The following EZH2 variants were observed in gnomAD, a reference collection of about 807,000 sequenced individuals.
EZH2 encodes histone-lysine N-methyltransferase EZH2.
A neutral mutation model predicts 98.4 loss-of-function variants in EZH2; 18 were observed. That is an observed-to-expected ratio of 0.18 (90% confidence interval 0.13 to 0.27). The LOEUF is 0.27. EZH2 is among the 10% of genes least tolerant of loss of function. EZH2 has a pLI of 1.00. For missense variants in EZH2, 470 were observed against 935.1 expected (o/e 0.50, Z 6.49); for synonymous variants, 338 against 312.3 (o/e 1.08, Z -0.87).
intron 1 of EZH2, among the ~76,000 whole-genome samples, chr7:148,868,749 T>C (rs1818903181): frequency 6.6e-6 from 1 of 152,208 alleles, no homozygotes; most frequent in South Asian, 2.1e-4. Flanking sequence ...TTTCCATTAG[T>C]ATAGAATGTC....
intron 10 of EZH2, chr7:148,817,594 C>T (rs1165714270): frequency 3.9e-5 from 26 of 663,020 alleles, no homozygotes; most frequent in Non-Finnish European, 6.5e-5. Flanking sequence ...ATCCAAATTT[C>T]ATTATTCCCT....
chr7:148,810,223 C>G (rs1178075000), intron 17 of EZH2, 110 bp downstream of exon 17: 2 of 712,136 alleles, frequency 2.8e-6, no homozygotes, highest in African/African-American at 3.5e-5. Context: ...CTAAGGAGAT[C>G]CTCCTTCTGG....
intron 17 of EZH2, 174 bp downstream of exon 17, chr7:148,810,159 T>C: frequency 2.0e-6 from 1 of 495,060 alleles, no homozygotes; most frequent in Non-Finnish European, 3.7e-6. Context: ...GTCTATCTGC[T>C]CCCTGAGGAA....
chr7:148,814,684 T>C (rs1804075999), intron 14 of EZH2, among the ~76,000 whole-genome samples: 1 of 152,148 alleles, frequency 6.6e-6, no homozygotes, highest in Admixed American at 6.5e-5. Flanking sequence ...AAATTCAGGT[T>C]CCTTTAATAC....
intron 13 of EZH2, among the ~76,000 whole-genome samples, chr7:148,815,281 TCTC>T (rs781221690): frequency 3.9e-5 from 6 of 152,170 alleles, no homozygotes; most frequent in East Asian, 1.9e-4. Context: ...CCAAAGCACT[TCTC>T]CTTCAACTGA....
intron 1 of EZH2, among the ~76,000 whole-genome samples, chr7:148,878,661 G>A (rs769420730): frequency 1.3e-5 from 2 of 152,210 alleles, no homozygotes; most frequent in Non-Finnish European, 2.9e-5. Context: ...CACTTTGGGA[G>A]GCTGAGGTAG....
chr7:148,826,653 T>C (rs1448453446), intron 7 of EZH2, 21 bp from the exon 8 acceptor site: 1 of 1,448,014 alleles, frequency 6.9e-7, no homozygotes, highest in Admixed American at 2.5e-5. Context: ...CCAAGAAAAA[T>C]TTAAGTAAAC....
intron 1 of EZH2, among the ~76,000 whole-genome samples, chr7:148,862,007 T>C (rs192319362): frequency 6.6e-6 from 1 of 152,302 alleles, no homozygotes; most frequent in East Asian, 1.9e-4. Flanking sequence ...AATAGCCTTC[T>C]GAGGTCATTG....
chr7:148,838,161 T>A (rs1000435439), intron 3 of EZH2, among the ~76,000 whole-genome samples: 1 of 146,926 alleles, frequency 6.8e-6, no homozygotes, highest in African/African-American at 2.5e-5. Context: ...CTCAAACTCC[T>A]GGGCTCAAAT....
At chr7:148,875,076 T>A (rs1350613903) in intron 1 of EZH2, among the ~76,000 whole-genome samples, 2 of 152,182 alleles carry the variant, frequency 1.3e-5, no homozygotes, top group African/African-American at 4.8e-5. Flanking sequence ...GTTTGAATTA[T>A]GCAAAATGAA....
chr7:148,808,979 G>A, intron 19 of EZH2, 92 bp downstream of exon 19: 1 of 985,506 alleles, frequency 1.0e-6, no homozygotes, highest in Non-Finnish European at 1.6e-6. Context: ...CCCATCAAAA[G>A]AAGCAAAGAA....
chr7:148,864,913 G>A (rs573281868), intron 1 of EZH2, among the ~76,000 whole-genome samples: 12 of 152,166 alleles, frequency 7.9e-5, no homozygotes, highest in African/African-American at 2.9e-4. Context: ...AATCACCTGA[G>A]GTCAGGAGTT....
At chr7:148,846,664 G>GCTTTACAGGTGTTA in intron 2 of EZH2, 66 bp from the exon 3 acceptor site, 3 of 1,425,098 alleles carry the variant, frequency 2.1e-6, no homozygotes, top group Non-Finnish European at 2.9e-6. Context: ...TATAACACCT[G>GCTTTACAGGTGTTA]TAAAGCAGGT....
chr7:148,818,137 A>T lies in EZH2; in HGVS notation c.1000-20T>A, dbSNP rs374833658. ...TCCCTCCTACGAAATGAAAAATGTC[A>T]ACATCAGGGCAAAGTTCTAAAACTC... On this transcript the variant is annotated intron_variant, in intron 9 of 19. Transcript: ENST00000320356. The T allele has an allele frequency of 1.3e-6, 2 of 1,534,984 alleles. No individual in the cohort carries two copies. The highest frequency in any genetic ancestry group is 1.7e-6 in the Non-Finnish European group (2 of 1,145,350).
chr7:148,868,342 TATC>T (rs1181955751), intron 1 of EZH2, among the ~76,000 whole-genome samples: 2 of 152,162 alleles, frequency 1.3e-5, no homozygotes, highest in African/African-American at 2.4e-5. Flanking sequence ...TCAGGAAACT[TATC>T]ATCACAGTGG....
In EZH2 at chr7:148,848,513, C is replaced by G. The variant is rs867157290; in HGVS notation, c.-7-1208G>C. On this transcript the variant is annotated intron_variant, in intron 1 of 19. Transcript: ENST00000320356. The stretch of plus-strand genomic sequence containing the variant: ...AAAACTTCATGCACAGAGAAAACTG[C>G]CTAAGAAGAAGATTTAGAGTAAGAG... 1.5e-4 allele frequency among the ~76,000 whole-genome samples: 23 copies of G among 152,038 alleles called. 1 individual carries two copies. The highest frequency in any genetic ancestry group is 9.8e-4 in the Admixed American group (15 of 15,268).
chr7:148,807,626 G>A lies in EZH2; in HGVS notation c.*20C>T. ...AGCTAAGGCAGCTGTTTCAGAGGAG[G>A]GGGGAGGAGGTAGCAGATGTCAAGG... On this transcript the variant is annotated 3_prime_UTR_variant, in exon 20 of 20. Coordinates refer to ENST00000320356, the MANE Select transcript of EZH2 (RefSeq NM_004456.5). 3 of 1,444,120 alleles carry A rather than the reference G, an allele frequency of 2.1e-6. No individual in the cohort carries two copies. Among genetic ancestry groups the A allele is most frequent in the South Asian group, 2.4e-5 (2 of 82,834 alleles). 89.5% of individuals were successfully genotyped at this position (1,444,120 alleles called of 1,614,324 possible).
chr7:148,826,742 A>G (rs1807820945), intron 7 of EZH2, 110 bp from the exon 8 acceptor site: 1 of 839,724 alleles, frequency 1.2e-6, no homozygotes, highest in African/African-American at 1.7e-5. Flanking sequence ...CTTGCCTAAA[A>G]CATAAAGGAA....
rs532656237 is a variant in EZH2, at chr7:148,811,916, T to C, written c.1852-196A>G. 11 of 539,610 alleles carry C rather than the reference T, an allele frequency of 2.0e-5. 1 individual carries two copies. Among genetic ancestry groups the C allele is most frequent in the South Asian group, 1.7e-4 (7 of 42,326 alleles). 33.4% of individuals were successfully genotyped at this position (539,610 alleles called of 1,614,324 possible). On this transcript the variant is annotated intron_variant, in intron 15 of 19. Transcript: ENST00000320356. ...GGCTATGAACATTATGTTTTCCTTA[T>C]ACAGCAGATAAGAATCTCTGTCTTA...
Sources: allele counts gnomAD v4.1 joint callset (sites outside exome capture counted in the v4.1 genomes callset), GRCh38; gene constraint gnomAD v4.1.1; transcripts MANE v1.5; gene names NCBI Gene and HGNC (gene_info 2026-07-23, HGNC 2026-07-21).